C10orf90: variants seen among roughly 807,000 people sequenced by gnomAD.
C10orf90 encodes (E2-independent) E3 ubiquitin-conjugating enzyme FATS.
Under a neutral mutation model 62.5 loss-of-function variants are expected in C10orf90, and 56 were observed. The observed-to-expected ratio is 0.90, with a 90% CI of 0.72 to 1.12. The LOEUF (loss-of-function observed/expected upper bound fraction) is 1.12, where lower values mean the gene tolerates loss of function less well. Among genes scored for constraint, C10orf90 ranks in the 50% most tolerant of loss-of-function variants. C10orf90 has a pLI of 0.00. For synonymous variants in C10orf90, 386 were observed against 340.4 expected, an observed-to-expected ratio of 1.13 and a Z score of -1.47; for missense variants, 970 against 880.4, an observed-to-expected ratio of 1.10 and a Z score of -1.29.
intron 4 of C10orf90, among the ~76,000 whole-genome samples, chr10:126,500,571 T>C (rs144551109): frequency 6.6e-6 from 1 of 152,266 alleles, no homozygotes; most frequent in African/African-American, 2.4e-5. Flanking sequence ...TTTTTTATGA[T>C]AGATTCGAAG....
chr10:126,488,580 G>T (rs1861557934), intron 4 of C10orf90, among the ~76,000 whole-genome samples: 1 of 148,352 alleles, frequency 6.7e-6, no homozygotes, highest in South Asian at 2.1e-4. Flanking sequence ...TGGATATTTG[G>T]GGAAAAAATC....
At chr10:126,641,912 C>T (rs1846066281) in intron 2 of C10orf90, among the ~76,000 whole-genome samples, 1 of 152,198 alleles carries the variant, frequency 6.6e-6, no homozygotes, top group Non-Finnish European at 1.5e-5. Flanking sequence ...CCCCACCCTT[C>T]CCAGTCTTGG....
intron 2 of C10orf90, among the ~76,000 whole-genome samples, chr10:126,619,267 C>T (rs774024315): frequency 2.6e-5 from 4 of 152,144 alleles, no homozygotes; most frequent in Non-Finnish European, 5.9e-5. Context: ...GTCTTATGCA[C>T]GCCCTCCAGG....
chr10:126,529,778 C>T (rs1239846540), intron 2 of C10orf90, among the ~76,000 whole-genome samples: 6 of 152,162 alleles, frequency 3.9e-5, no homozygotes, highest in East Asian at 1.9e-4. Context: ...GCAACTAATA[C>T]GATCACTATG....
At chr10:126,479,997 T>C (rs1861087220) in intron 4 of C10orf90, among the ~76,000 whole-genome samples, 1 of 152,230 alleles carries the variant, frequency 6.6e-6, no homozygotes, top group Admixed American at 6.5e-5. Context: ...TCCCATCTTT[T>C]CTTTGATGAC....
chr10:126,642,053 C>G (rs980823762), intron 2 of C10orf90, among the ~76,000 whole-genome samples: 1 of 152,140 alleles, frequency 6.6e-6, no homozygotes, highest in Non-Finnish European at 1.5e-5. Context: ...ACAAATACCC[C>G]ACTGATGGAG....
At chr10:126,659,832 A>G (rs750818316) in intron 1 of C10orf90, among the ~76,000 whole-genome samples, 1 of 152,250 alleles carries the variant, frequency 6.6e-6, no homozygotes, top group Non-Finnish European at 1.5e-5. Flanking sequence ...TCTTACATGC[A>G]CTGACTAATC....
chr10:126,549,334 A>G (rs1864574950), intron 2 of C10orf90, among the ~76,000 whole-genome samples: 2 of 152,234 alleles, frequency 1.3e-5, no homozygotes, highest in Non-Finnish European at 2.9e-5. Flanking sequence ...AAACAGCCCA[A>G]TTAGAAAATG....
chr10:126,486,978 A>G (rs979363008), intron 4 of C10orf90, among the ~76,000 whole-genome samples: 1 of 151,840 alleles, frequency 6.6e-6, no homozygotes, highest in Non-Finnish European at 1.5e-5. Context: ...CCCCATCTCT[A>G]CTAAAAATAC....
At chr10:126,462,960 C>G (rs191457086) in intron 5 of C10orf90, among the ~76,000 whole-genome samples, 1 of 152,322 alleles carries the variant, frequency 6.6e-6, no homozygotes, top group Non-Finnish European at 1.5e-5. Flanking sequence ...CATGCTCTTT[C>G]ATTTTTCTGA....
chr10:126,602,495 G>A (rs1437940306), intron 2 of C10orf90, among the ~76,000 whole-genome samples: 8 of 152,156 alleles, frequency 5.3e-5, no homozygotes. Context: ...GTTCCACTGT[G>A]GAACTCCTGA....
chr10:126,664,156 G>A (rs1387743186), intron 1 of C10orf90, among the ~76,000 whole-genome samples: 1 of 152,126 alleles, frequency 6.6e-6, no homozygotes. Context: ...AATTGCTTGG[G>A]GGATGGAGAT....
intron 2 of C10orf90, among the ~76,000 whole-genome samples, chr10:126,594,342 G>T (rs1845041846): frequency 6.6e-6 from 1 of 152,074 alleles, no homozygotes; most frequent in African/African-American, 2.4e-5. Context: ...TCAGAGAAAG[G>T]ACTAGAAGGA....
intron 2 of C10orf90, among the ~76,000 whole-genome samples, chr10:126,636,150 C>T (rs910845109): frequency 1.2e-4 from 19 of 152,180 alleles, no homozygotes; most frequent in Admixed American, 3.9e-4. Context: ...TGCTCAAACA[C>T]AGAAATACAA....
intron 7 of C10orf90, among the ~76,000 whole-genome samples, chr10:126,438,425 G>A (rs1200633379): frequency 6.6e-6 from 1 of 152,194 alleles, no homozygotes; most frequent in African/African-American, 2.4e-5. Context: ...GGTCCAAAAG[G>A]AAATTTAGGA....
chr10:126,513,737 A>G, intron 3 of C10orf90, 111 bp downstream of exon 3: 1 of 677,450 alleles, frequency 1.5e-6, no homozygotes, highest in Non-Finnish European at 2.5e-6. Flanking sequence ...ACATTAATTC[A>G]ATTTTGACTA....
At chr10:126,440,624 T>C (rs948074945) in intron 7 of C10orf90, among the ~76,000 whole-genome samples, 1 of 151,988 alleles carries the variant, frequency 6.6e-6, no homozygotes, top group African/African-American at 2.4e-5. Flanking sequence ...CTAAGAACGC[T>C]CACAGAGTCC....
intron 1 of C10orf90, among the ~76,000 whole-genome samples, chr10:126,647,100 T>C (rs1846186971): frequency 6.6e-6 from 1 of 152,258 alleles, no homozygotes; most frequent in Admixed American, 6.5e-5. Flanking sequence ...GAAACTATTC[T>C]GTTGTCTTCA....
chr10:126,615,472 T>C (rs1845521639), intron 2 of C10orf90, among the ~76,000 whole-genome samples: 2 of 152,166 alleles, frequency 1.3e-5, no homozygotes, highest in Non-Finnish European at 2.9e-5. Context: ...ATGACTTCAG[T>C]AGCCATTATC....
Sources: allele counts gnomAD v4.1 joint callset (sites outside exome capture counted in the v4.1 genomes callset), GRCh38; gene constraint gnomAD v4.1.1; transcripts MANE v1.5; gene names NCBI Gene and HGNC (gene_info 2026-07-23, HGNC 2026-07-21).